CDK12: variants seen among roughly 807,000 people sequenced by gnomAD.
CDK12 encodes the protein cyclin-dependent kinase 12.
CDK12 carries 17 observed loss-of-function variants against 133.8 expected under a neutral mutation model. That is an observed-to-expected ratio of 0.13 (90% CI 0.09 to 0.19). The LOEUF (loss-of-function observed/expected upper bound fraction) is 0.19, where lower values mean the gene tolerates loss of function less well. Ranked by LOEUF, CDK12 falls within the 10% of genes least tolerant of loss-of-function variation. The pLI is 1.00. For synonymous variants in CDK12, 694 were observed against 683.6 expected (o/e 1.02, Z -0.24); for missense variants, 1,508 against 1,818.7 (o/e 0.83, Z 3.11).
rs748989479 is a variant in CDK12, at chr17:39,530,949, C to T, written c.4106C>T (p.Thr1369Ile). ...GPALTESLVQ[T>I]LVKNRTFSGS... ...GCCTTGACAGAATCCTTGGTCCAGA[C>T]CCTGGTGAAGAACAGGACCTTCTCA... The change falls in exon 14 of 14, where the codon ACC becomes ATC. Residue 1369 changes from threonine (T) to isoleucine (I), a missense_variant. Physicochemically the swap from Thr to Ile is moderately conservative, Grantham distance 89. This residue lies in a region of CDK12 where 399 missense variants were observed against 469.6 expected (regional missense o/e 0.85). Transcript: ENST00000447079. 6.2e-7 allele frequency: 1 copy of T among 1,614,100 alleles called. No homozygotes were observed. The highest frequency in any genetic ancestry group is 1.3e-5 in the African/African-American group (1 of 74,926).
intron 1 of CDK12, among the ~76,000 whole-genome samples, chr17:39,466,710 A>G (rs1185220932): frequency 6.7e-6 from 1 of 148,188 alleles, no homozygotes; most frequent in East Asian, 2.1e-4. Flanking sequence ...ATAAGTTTAG[A>G]AAAAATTGGA....
chr17:39,512,962 A>G (rs1009018413), intron 8 of CDK12, among the ~76,000 whole-genome samples: 1 of 152,200 alleles, frequency 6.6e-6, no homozygotes, highest in Admixed American at 6.6e-5. Context: ...CAAACTGTCC[A>G]GTCTTTGGCC....
In CDK12 at chr17:39,533,248, G is replaced by A. The variant is rs2054970548; in HGVS notation, c.*1932G>A. The A allele has an allele frequency of 4.3e-6, 1 of 232,980 alleles. No individual in the cohort carries two copies. The highest frequency in any genetic ancestry group is 8.5e-6 in the Non-Finnish European group (1 of 117,892). 14.4% of individuals were successfully genotyped at this position (232,980 alleles called of 1,614,324 possible). A position where few individuals can be genotyped will look rare whatever the true frequency, so the allele number is the denominator to read the frequency against. On this transcript the variant is annotated 3_prime_UTR_variant, in exon 14 of 14. Coordinates refer to ENST00000447079, the MANE Select transcript of CDK12 (RefSeq NM_016507.4). ...GGCCAAACACTGATTTAGAAAGAGA[G>A]CCTTCTAGCTATTTTGGCATTGATG... is the stretch of plus-strand genomic sequence containing the variant.
At chr17:39,481,424 C>T (rs1433894730) in intron 2 of CDK12, among the ~76,000 whole-genome samples, 1 of 149,994 alleles carries the variant, frequency 6.7e-6, no homozygotes. Flanking sequence ...CTCCTGGCCT[C>T]AGCCTCCTGA....
Position 39,470,927 on chromosome 17 carries a change from T to C in CDK12, c.1095T>C (p.His365=). 6.2e-7 allele frequency: 1 copy of C among 1,612,518 alleles called. No individual in the cohort carries two copies. Among genetic ancestry groups the C allele is most frequent in the Non-Finnish European group, 8.5e-7 (1 of 1,179,678 alleles). ...SRSRSPAYSR[H]SSSHSKKKRS... The stretch of plus-strand genomic sequence containing the variant: ...GTAGAAGTCCTGCATATTCAAGACA[T>C]TCATCTTCTCATAGTAAAAAGAAGA... The change falls in exon 2 of 14, where the codon CAT becomes CAC. Residue 365 remains histidine (H), a synonymous_variant. Coordinates refer to ENST00000447079, the MANE Select transcript of CDK12 (RefSeq NM_016507.4).
At chr17:39,476,516 C>T (rs1171458101) in intron 2 of CDK12, among the ~76,000 whole-genome samples, 1 of 151,412 alleles carries the variant, frequency 6.6e-6, no homozygotes, top group East Asian at 1.9e-4. Context: ...CGGGTTCAAG[C>T]AATTCTCCTG....
upstream of CDK12, chr17:39,549,298 A>G (rs2055856279): frequency 6.6e-6 from 1 of 152,332 alleles, no homozygotes; most frequent in Non-Finnish European, 1.5e-5. Flanking sequence ...GTGCTCATCA[A>G]GGGAGATACC....
intron 1 of CDK12, 94 bp downstream of exon 1, chr17:39,463,211 T>C (rs1193987624): frequency 9.2e-7 from 1 of 1,089,382 alleles, no homozygotes; most frequent in Non-Finnish European, 1.4e-6. Context: ...CCCGCAGTGT[T>C]CATCATTGAC....
chr17:39,501,795 C>T (rs1418660731), intron 6 of CDK12, among the ~76,000 whole-genome samples: 1 of 151,238 alleles, frequency 6.6e-6, no homozygotes, highest in African/African-American at 2.4e-5. Flanking sequence ...GTTTATTTGC[C>T]TATACTGCAT....
chr17:39,486,812 G>C (rs534628189), intron 2 of CDK12, among the ~76,000 whole-genome samples: 4 of 151,964 alleles, frequency 2.6e-5, no homozygotes, highest in African/African-American at 4.8e-5. Context: ...TTCGAGTCCA[G>C]CCTGGCCAAT....
chr17:39,501,207 CT>C (rs534398013), intron 5 of CDK12, 42 bp from the exon 6 acceptor site: 1,118 of 1,208,868 alleles, frequency 9.2e-4, no homozygotes, highest in South Asian at 1.5e-3. Context: ...TTTCAGCATT[CT>C]TTTTTTTTTC....
At chr17:39,467,041 C>T (rs1349848673) in intron 1 of CDK12, among the ~76,000 whole-genome samples, 2 of 151,786 alleles carry the variant, frequency 1.3e-5, no homozygotes, top group African/African-American at 2.4e-5. Context: ...TGCAGTGGTG[C>T]GATCTCAGCT....
At chr17:39,564,502 A>T (rs2056504415) in intron 3 of CDK12, among the ~76,000 whole-genome samples, 1 of 152,092 alleles carries the variant, frequency 6.6e-6, no homozygotes. Context: ...GGACAAACCA[A>T]CCATTCCCTA....
chr17:39,544,054 T>C (rs2055552868), upstream of CDK12: 1 of 288,784 alleles, frequency 3.5e-6, no homozygotes, highest in Non-Finnish European at 7.3e-6. Flanking sequence ...AGAACAGTTA[T>C]GACTCTCTCT....
At chr17:39,473,676 G>T (rs573513163) in intron 2 of CDK12, among the ~76,000 whole-genome samples, 1 of 152,204 alleles carries the variant, frequency 6.6e-6, no homozygotes, top group Non-Finnish European at 1.5e-5. Flanking sequence ...GAATCATGAG[G>T]TCAGCAGTTC....
At chr17:39,508,984 T>G in intron 6 of CDK12, among the ~76,000 whole-genome samples, 1 of 121,226 alleles carries the variant, frequency 8.2e-6, no homozygotes, top group African/African-American at 3.2e-5. Flanking sequence ...GGTAATAGAG[T>G]GAGACTCTGT....
chr17:39,497,286 A>G (rs866725515), intron 5 of CDK12, among the ~76,000 whole-genome samples: 49 of 152,244 alleles, frequency 3.2e-4, no homozygotes, highest in African/African-American at 1.1e-3. Flanking sequence ...GCTTATGCCT[A>G]TAATCCCAGC....
At chr17:39,554,683 C>A (rs12941619) in intron 2 of CDK12, among the ~76,000 whole-genome samples, 119,744 of 151,866 alleles carry the variant, frequency 0.79, 47,697 homozygotes, top group South Asian at 0.92. Context: ...GATAGAGACC[C>A]TCCTGACCAA....
intron 2 of CDK12, among the ~76,000 whole-genome samples, chr17:39,551,950 G>A (rs1597701892): frequency 6.6e-6 from 1 of 152,236 alleles, no homozygotes; most frequent in East Asian, 1.9e-4. Context: ...ACAAGGATAG[G>A]CACAGAGCTT....
Sources: allele counts gnomAD v4.1 joint callset (sites outside exome capture counted in the v4.1 genomes callset), GRCh38; gene constraint gnomAD v4.1.1; regional missense constraint gnomAD v4.1.1; transcripts MANE v1.5; gene names NCBI Gene and HGNC (gene_info 2026-07-23, HGNC 2026-07-21).